MCF2: variants seen among roughly 807,000 people sequenced by gnomAD.
MCF2 encodes the protein MCF.2 cell line derived transforming sequence, also known as proto-oncogene DBL.
MCF2 carries 44 observed loss-of-function variants against 82.5 expected under a neutral mutation model. That is an observed-to-expected ratio of 0.53 (90% CI 0.42 to 0.69). MCF2 has a LOEUF of 0.69. Among genes scored for constraint, MCF2 ranks in the 30% least tolerant of loss-of-function variants. The pLI is 0.00. For missense variants in MCF2, 623 were observed against 663.1 expected (o/e 0.94, Z 0.66); for synonymous variants, 217 against 224.9 (o/e 0.96, Z 0.32).
chrX:139,610,940 C>T (rs767644225), intron 10 of MCF2, among the ~76,000 whole-genome samples: 1 of 112,087 alleles, frequency 8.9e-6, no homozygotes, highest in East Asian at 2.8e-4. Context: ...ATGTTTCTAA[C>T]CACCATATAA....
exon 12 of MCF2, chrX:139,607,717 A>G (rs772095578): frequency 3.3e-6 from 4 of 1,202,964 alleles, no homozygotes; most frequent in East Asian, 3.0e-5. Context: ...AGCTATTGCC[A>G]TTGTCCAAAC....
rs186702682 is a variant in MCF2, at chrX:139,608,901, C to T, written c.1402-1122G>A. ...CTTTCTTGAAACCAGAAGTTGTGGC[C>T]GTACAGAATAATAACCAGGCTTCGT... On this transcript the variant is annotated intron_variant, in intron 11 of 24. Transcript: ENST00000370576. Among the ~76,000 whole-genome samples, 11 of 111,449 alleles carry T rather than the reference C, an allele frequency of 9.9e-5. No individual in the cohort carries two copies. In the East Asian group the frequency reaches 3.1e-3, roughly 32 times the overall value.
chrX:139,666,471 T>C lies in MCF2; in HGVS notation c.-44-14683A>G, dbSNP rs6634094. On this transcript the variant is annotated intron_variant, in intron 1 of 27. Transcript: ENST00000414978. The stretch of plus-strand genomic sequence containing the variant: ...TTTCTCCTTCATTTATAAAGGATAG[T>C]TTATTGGATATAGTATTCTTGGCTG... 6.8e-4 allele frequency among the ~76,000 whole-genome samples: 76 copies of C among 111,799 alleles called. 1 individual carries two copies. In the East Asian group the frequency reaches 0.02, roughly 29 times the overall value.
At chrX:139,671,081 T>C (rs1245233080) in intron 1 of MCF2, among the ~76,000 whole-genome samples, 1 of 112,507 alleles carries the variant, frequency 8.9e-6, no homozygotes, top group Non-Finnish European at 1.9e-5. Context: ...GAGCATTTTT[T>C]CATGTGTCTG....
At chrX:139,653,987 T>G (rs935524493) in intron 1 of MCF2, among the ~76,000 whole-genome samples, 1 of 111,796 alleles carries the variant, frequency 8.9e-6, no homozygotes, top group East Asian at 2.8e-4. Flanking sequence ...TTCTGTTTTA[T>G]GTATGAATAA....
intron 1 of MCF2, among the ~76,000 whole-genome samples, chrX:139,670,434 G>C (rs542879387): frequency 3.0e-4 from 33 of 110,929 alleles, no homozygotes; most frequent in African/African-American, 1.0e-3. Context: ...TTTACATTAG[G>C]TATTTCTCCT....
chrX:139,665,185 T>A (rs1358066017), intron 1 of MCF2, among the ~76,000 whole-genome samples: 1 of 111,416 alleles, frequency 9.0e-6, no homozygotes, highest in African/African-American at 3.3e-5. Flanking sequence ...CCCTGGCTGG[T>A]GTCTCAGTAA....
chrX:139,606,776 C>G (rs762305486), intron 12 of MCF2, among the ~76,000 whole-genome samples: 2 of 111,417 alleles, frequency 1.8e-5, no homozygotes, highest in Non-Finnish European at 3.8e-5. Flanking sequence ...GTATAAGTAA[C>G]CCATTTGATT....
intron 2 of MCF2, 34 bp from the exon 6 acceptor site, chrX:139,631,545 G>C: frequency 1.3e-6 from 1 of 795,721 alleles, no homozygotes; most frequent in Non-Finnish European, 1.9e-6. Flanking sequence ...ACTGTTAACT[G>C]CCCTTCATGC....
At chrX:139,689,024 C>T (rs1935195011) in intron 1 of MCF2, among the ~76,000 whole-genome samples, 1 of 111,640 alleles carries the variant, frequency 9.0e-6, no homozygotes, top group East Asian at 2.8e-4. Context: ...GTCACCCTAA[C>T]CAGAAACCTG....
intron 1 of MCF2, among the ~76,000 whole-genome samples, chrX:139,704,858 T>C (rs148673704): frequency 0.01 from 1,107 of 109,890 alleles, 13 homozygotes; most frequent in Non-Finnish European, 0.013. Flanking sequence ...AAACTGCTAA[T>C]GGCATTCTTC....
At chrX:139,670,274 C>T (rs1201516680) in intron 1 of MCF2, among the ~76,000 whole-genome samples, 1 of 111,422 alleles carries the variant, frequency 9.0e-6, no homozygotes, top group African/African-American at 3.3e-5. Flanking sequence ...ATCACAGCAC[C>T]AATATGTTAT....
At chrX:139,618,679 A>G (rs1158838370) in intron 7 of MCF2, among the ~76,000 whole-genome samples, 1 of 111,401 alleles carries the variant, frequency 9.0e-6, no homozygotes, top group African/African-American at 3.3e-5. Context: ...TTGTTTTCAC[A>G]TACTCATGGT....
chrX:139,659,390 A>T (rs1934294889), intron 1 of MCF2, among the ~76,000 whole-genome samples: 1 of 112,177 alleles, frequency 8.9e-6, no homozygotes, highest in African/African-American at 3.2e-5. Flanking sequence ...TTTAAACTAT[A>T]CTAAGTTTAT....
chrX:139,583,356 T>C (rs1928636949), intron 24 of MCF2, among the ~76,000 whole-genome samples: 1 of 112,167 alleles, frequency 8.9e-6, no homozygotes, highest in South Asian at 3.7e-4. Context: ...TTGTATTTCT[T>C]AGTTTTATCA....
intron 1 of MCF2, among the ~76,000 whole-genome samples, chrX:139,670,739 T>C (rs917324347): frequency 8.9e-6 from 1 of 112,144 alleles, no homozygotes; most frequent in East Asian, 2.8e-4. Flanking sequence ...TAGTTTCAAG[T>C]TATTGCTATT....
At chrX:139,602,550 T>G in intron 15 of MCF2, 52 bp from the exon 20 acceptor site, 1 of 883,369 alleles carries the variant, frequency 1.1e-6, no homozygotes, top group Non-Finnish European at 1.7e-6. Context: ...ATATGACTTT[T>G]GCCATCAAGA....
In MCF2 at chrX:139,629,568, T is replaced by C. The variant is rs781507198; in HGVS notation, c.438+127A>G. The C allele has an allele frequency of 1.0e-5, 6 of 595,835 alleles. No individual in the cohort carries two copies. The Admixed American group carries it at 2.2e-4, about 22-fold the overall frequency. The allele number at this position is 595,835 out of a possible 1,213,427, so 49.1% of individuals were successfully genotyped here. A position where few individuals can be genotyped will look rare whatever the true frequency, so the allele number is the denominator to read the frequency against. On this transcript the variant is annotated intron_variant, in intron 4 of 24. Transcript: ENST00000370576. ...TTATAAAGTATAATTTTTTTTAGTT[T>C]TTAAATATATTACATAAATGTCTTT...
chrX:139,615,949 T>G (rs945643960), intron 9 of MCF2, among the ~76,000 whole-genome samples: 2 of 111,932 alleles, frequency 1.8e-5, no homozygotes, highest in African/African-American at 6.5e-5. Flanking sequence ...TGGGGTAAAG[T>G]GCTCTTGACA....
Sources: gnomAD v4.1 joint callset for allele counts (sites outside exome capture counted in the v4.1 genomes callset) on GRCh38, gnomAD v4.1.1 for gene constraint, MANE v1.5 for transcripts, NCBI Gene and HGNC (gene_info 2026-07-23, HGNC 2026-07-21) for gene names.